The following AFF2 variants were observed in gnomAD, a reference collection of about 807,000 sequenced individuals.
AFF2 encodes the protein ALF transcription elongation factor 2, also known as AF4/FMR2 family member 2.
In AFF2, 14 loss-of-function variants were observed where a neutral mutation model predicts 76.9. The ratio of observed to expected loss-of-function variants is 0.18; its 90% confidence interval spans 0.12 to 0.28. AFF2 has a LOEUF of 0.28. Ranked by LOEUF, AFF2 falls within the 10% of genes least tolerant of loss-of-function variation. The pLI is 1.00. For missense variants in AFF2, 868 were observed against 1,001.1 expected (o/e 0.87, Z 1.79); for synonymous variants, 398 against 366.7 (o/e 1.09, Z -0.98).
intron 2 of AFF2, among the ~76,000 whole-genome samples, chrX:148,657,239 T>A (rs1198436378): frequency 9.0e-6 from 1 of 111,720 alleles, no homozygotes; most frequent in Non-Finnish European, 1.9e-5. Context: ...TGGGAAACCT[T>A]GCTTTGAAAT....
intron 7 of AFF2, among the ~76,000 whole-genome samples, chrX:148,855,459 G>A (rs1188272371): frequency 9.0e-6 from 1 of 111,352 alleles, no homozygotes; most frequent in Non-Finnish European, 1.9e-5. Flanking sequence ...TTCAGCAGCC[G>A]GTACAGGAAG....
At chrX:148,910,410 G>T (rs1190045310) in intron 9 of AFF2, among the ~76,000 whole-genome samples, 4 of 112,456 alleles carry the variant, frequency 3.6e-5, no homozygotes, top group African/African-American at 6.5e-5. Context: ...TCCTACCCTT[G>T]AGGAGTTTAG....
intron 1 of AFF2, among the ~76,000 whole-genome samples, chrX:148,600,850 A>C (rs1557247978): frequency 8.9e-6 from 1 of 112,470 alleles, no homozygotes; most frequent in Non-Finnish European, 1.9e-5. Flanking sequence ...CATTTAAAAA[A>C]CATATTTGGA....
chrX:148,863,003 C>A (rs1196580268), intron 7 of AFF2, among the ~76,000 whole-genome samples: 2 of 111,183 alleles, frequency 1.8e-5, no homozygotes, highest in African/African-American at 6.5e-5. Context: ...ATATTTATTT[C>A]TGGTATATAC....
intron 13 of AFF2, among the ~76,000 whole-genome samples, chrX:148,965,828 C>A (rs782016345): frequency 9.0e-6 from 1 of 111,263 alleles, no homozygotes; most frequent in African/African-American, 3.3e-5. Flanking sequence ...AAGAGAACTG[C>A]GGAGTGAACT....
At chrX:148,724,203 A>G (rs1557264059) in intron 3 of AFF2, among the ~76,000 whole-genome samples, 1 of 110,899 alleles carries the variant, frequency 9.0e-6, no homozygotes, top group Non-Finnish European at 1.9e-5. Flanking sequence ...GTATCTTTTG[A>G]GGAGGATGTT....
In AFF2 at chrX:148,753,597, A is replaced by G. The variant is rs187576649; in HGVS notation, c.1042-56279A>G. Among the ~76,000 whole-genome samples the G allele has an allele frequency of 3.3e-3, 366 of 112,141 alleles. 1 individual carries two copies. The highest frequency in any genetic ancestry group is 9.1e-3 in the Middle Eastern group (2 of 219). On this transcript the variant is annotated intron_variant, in intron 3 of 20. Transcript: ENST00000370460. ...CTTTTCTGATAACTTCGGTTTGTAA[A>G]ACATTAATATTGAATCTTTTGGGGG...
At chrX:148,866,360 G>GA (rs1318439371) in intron 7 of AFF2, among the ~76,000 whole-genome samples, 7 of 111,858 alleles carry the variant, frequency 6.3e-5, no homozygotes, top group South Asian at 3.7e-4. Context: ...GAAGCAAAAA[G>GA]AAAAAAAGAA....
intron 9 of AFF2, among the ~76,000 whole-genome samples, chrX:148,930,846 G>A (rs1557284318): frequency 8.9e-6 from 1 of 112,345 alleles, no homozygotes; most frequent in Non-Finnish European, 1.9e-5. Flanking sequence ...ACTTCAGATA[G>A]AGTCTTGGGA....
intron 9 of AFF2, among the ~76,000 whole-genome samples, chrX:148,939,588 G>A (rs1315117009): frequency 8.9e-6 from 1 of 112,052 alleles, no homozygotes; most frequent in Non-Finnish European, 1.9e-5. Context: ...TGGCCAACAT[G>A]TGCTGCAGAA....
intron 3 of AFF2, among the ~76,000 whole-genome samples, chrX:148,732,929 T>G (rs1294864491): frequency 9.0e-6 from 1 of 111,612 alleles, no homozygotes; most frequent in African/African-American, 3.3e-5. Context: ...CAACACTGAA[T>G]GACATGTTTG....
Position 148,989,483 on chromosome X carries a change from G to GA in AFF2, c.3815-1724dup, listed in dbSNP as rs1473330463. Among the ~76,000 whole-genome samples the GA allele has an allele frequency of 1.9e-4, 21 of 112,175 alleles. No individual in the cohort carries two copies. The Admixed American group carries it at 2.0e-3, about 11-fold the overall frequency. On this transcript the variant is annotated intron_variant, in intron 20 of 20. Transcript: ENST00000370460. ...AACTCCGTCACTCTACCAGCAGAGA[G>GA]AAAATGTGTCCTGTTAATGCTGTCA...
chrX:148,839,258 G>A (rs1427422918), intron 5 of AFF2, among the ~76,000 whole-genome samples: 2 of 112,205 alleles, frequency 1.8e-5, no homozygotes, highest in African/African-American at 6.5e-5. Context: ...GTAGAAGCAA[G>A]TGGACTAAAA....
intron 1 of AFF2, among the ~76,000 whole-genome samples, chrX:148,531,716 CTATCTGTCTA>C (rs1416911192): frequency 8.9e-6 from 1 of 112,099 alleles, no homozygotes; most frequent in Non-Finnish European, 1.9e-5. Flanking sequence ...TATACAGCAT[CTATCTGTCTA>C]TATGTTAAGT....
In AFF2 at chrX:148,660,512, A is replaced by G. The variant is rs184642262; in HGVS notation, c.181-1396A>G. ...ACTGAGATGCTAGCGCTGGATAGGT[A>G]TACTCCCTGTGTACACTAGGAGACT... On this transcript the variant is annotated intron_variant, in intron 2 of 20. Coordinates refer to ENST00000370460, the MANE Select transcript of AFF2 (RefSeq NM_002025.4). Among the ~76,000 whole-genome samples the G allele has an allele frequency of 1.3e-4, 15 of 112,278 alleles. No individual in the cohort carries two copies. The Admixed American group carries it at 1.4e-3, about 11-fold the overall frequency.
intron 1 of AFF2, among the ~76,000 whole-genome samples, chrX:148,615,920 G>A (rs2053794561): frequency 9.0e-6 from 1 of 111,510 alleles, no homozygotes; most frequent in South Asian, 3.7e-4. Flanking sequence ...AAGGCTCTGT[G>A]TATGCACAAT....
At chrX:148,988,065 G>A (rs1280681501) in intron 20 of AFF2, among the ~76,000 whole-genome samples, 1 of 111,549 alleles carries the variant, frequency 9.0e-6, no homozygotes, top group Non-Finnish European at 1.9e-5. Flanking sequence ...GAAGAATCAG[G>A]GTGCTGTTCA....
At chrX:148,622,404 C>G (rs147945387) in intron 1 of AFF2, among the ~76,000 whole-genome samples, 1 of 111,980 alleles carries the variant, frequency 8.9e-6, no homozygotes, top group East Asian at 2.8e-4. Context: ...AACTTCTTTC[C>G]TGGGAAACCT....
intron 9 of AFF2, among the ~76,000 whole-genome samples, chrX:148,933,380 G>A (rs2071735802): frequency 8.9e-6 from 1 of 111,740 alleles, no homozygotes; most frequent in Non-Finnish European, 1.9e-5. Context: ...TGGGAGCTGC[G>A]AGAGAATTTC....
Sources: allele counts gnomAD v4.1 joint callset (sites outside exome capture counted in the v4.1 genomes callset), GRCh38; gene constraint gnomAD v4.1.1; transcripts MANE v1.5; gene names NCBI Gene and HGNC (gene_info 2026-07-23, HGNC 2026-07-21).